NRG4: variants seen among roughly 807,000 people sequenced by gnomAD.
The protein encoded by NRG4 is neuregulin 4.
NRG4 carries 10 observed loss-of-function variants against 15.0 expected under a neutral mutation model. The ratio of observed to expected loss-of-function variants is 0.67; its 90% CI spans 0.41 to 1.13. The LOEUF (loss-of-function observed/expected upper bound fraction) is 1.13, where lower values mean the gene tolerates loss of function less well. Ranked by LOEUF, NRG4 falls within the 50% of genes most tolerant of loss-of-function variation. The probability of loss-of-function intolerance (pLI) is 0.00; values close to 1 mark genes in which losing one functional copy is unlikely to be tolerated. For missense variants in NRG4, 139 were observed against 140.2 expected (o/e 0.99, Z 0.04); for synonymous variants, 41 against 50.1 (o/e 0.82, Z 0.77).
At chr15:75,946,068 G>T (rs894021169) in intron 5 of NRG4, among the ~76,000 whole-genome samples, 1 of 152,212 alleles carries the variant, frequency 6.6e-6, no homozygotes, top group African/African-American at 2.4e-5. Flanking sequence ...CTCTGATAAT[G>T]AGATGGCTAC....
At chr15:75,999,419 T>C (rs1221390619) in intron 3 of NRG4, among the ~76,000 whole-genome samples, 1 of 152,176 alleles carries the variant, frequency 6.6e-6, no homozygotes, top group East Asian at 1.9e-4. Context: ...TAAAGGAAAC[T>C]AGCTTAGGCC....
At chr15:75,937,062 C>G (rs895752187), downstream of NRG4, 1 of 152,002 alleles carries the variant, frequency 6.6e-6, no homozygotes, top group Non-Finnish European at 1.5e-5. Context: ...CTAATTATGA[C>G]TAAAATTTAA....
upstream of NRG4, among the ~76,000 whole-genome samples, chr15:76,017,247 TG>T (rs1364976733): frequency 1.4e-5 from 2 of 147,258 alleles, no homozygotes; most frequent in Non-Finnish European, 3.0e-5. Context: ...GCATATAAGA[TG>T]GGTCTCCTAA....
chr15:76,002,749 T>C (rs982684187), intron 3 of NRG4, among the ~76,000 whole-genome samples: 2 of 152,062 alleles, frequency 1.3e-5, no homozygotes, highest in African/African-American at 2.4e-5. Flanking sequence ...CATTGTGTAA[T>C]GATAAAAGGG....
chr15:76,024,452 A>G (rs2035247336), intron 5 of NRG4, among the ~76,000 whole-genome samples: 1 of 152,212 alleles, frequency 6.6e-6, no homozygotes, highest in African/African-American at 2.4e-5. Context: ...CAGGCCTGAG[A>G]AACAGCCACC....
At chr15:76,012,147 C>G (rs2034832270) in intron 1 of NRG4, 172 bp downstream of exon 1, 1 of 152,014 alleles carries the variant, frequency 6.6e-6, no homozygotes, top group East Asian at 2.0e-4. Flanking sequence ...GCCAACAGCT[C>G]TTTCTTAGAC....
intron 3 of NRG4, among the ~76,000 whole-genome samples, chr15:75,981,522 T>C (rs911727905): frequency 2.0e-5 from 3 of 152,046 alleles, no homozygotes; most frequent in African/African-American, 2.4e-5. Flanking sequence ...ACTTAAAAAT[T>C]TGTGGCATTG....
intron 3 of NRG4, among the ~76,000 whole-genome samples, chr15:75,965,866 A>G (rs2032767953): frequency 1.3e-5 from 2 of 152,342 alleles, no homozygotes; most frequent in South Asian, 4.1e-4. Context: ...ATTTACCCAG[A>G]ACTACGTAGC....
rs185177289 is a variant in NRG4, at chr15:76,030,075, G to A, written c.-57+5869C>T. On this transcript the variant is annotated intron_variant, in intron 5 of 8. Coordinates refer to the NRG4 transcript ENST00000563910. Reference sequence around the variant, plus strand: ...AGATCAAGACCATCCTGGCTAACACGGTGAAACCCCGCTTCTACTAAAAAT... The same window carrying A: ...AGATCAAGACCATCCTGGCTAACACAGTGAAACCCCGCTTCTACTAAAAAT... Among the ~76,000 whole-genome samples the A allele has an allele frequency of 7.1e-4, 108 of 152,154 alleles. 1 individual carries two copies. The highest frequency in any genetic ancestry group is 2.1e-3 in the African/African-American group (88 of 41,512).
At chr15:75,949,485 C>T (rs564297729) in intron 5 of NRG4, among the ~76,000 whole-genome samples, 1 of 151,592 alleles carries the variant, frequency 6.6e-6, no homozygotes, top group East Asian at 1.9e-4. Context: ...CTAGACATGT[C>T]CTTTATCCAT....
At chr15:75,979,979 C>T (rs902354135) in intron 3 of NRG4, among the ~76,000 whole-genome samples, 1 of 152,108 alleles carries the variant, frequency 6.6e-6, no homozygotes, top group Admixed American at 6.5e-5. Flanking sequence ...ATTGGTAAGT[C>T]AACTAATTTA....
chr15:76,004,069 C>T (rs1022009923), intron 3 of NRG4, among the ~76,000 whole-genome samples: 1 of 152,028 alleles, frequency 6.6e-6, no homozygotes, highest in Non-Finnish European at 1.5e-5. Flanking sequence ...TGTATTGAGA[C>T]GAATTCTTAG....
chr15:76,014,458 A>G (rs1014841077), upstream of NRG4, among the ~76,000 whole-genome samples: 2 of 152,124 alleles, frequency 1.3e-5, no homozygotes, highest in African/African-American at 2.4e-5. Flanking sequence ...GTTTCTTTCT[A>G]GGGTTTTTAT....
At chr15:75,940,417 G>C (rs996303699), downstream of NRG4, 12 of 150,610 alleles carry the variant, frequency 8.0e-5, no homozygotes, top group Non-Finnish European at 1.8e-4. Flanking sequence ...TCAAAGTGAT[G>C]TGCAGATTCA....
At chr15:75,969,081 C>T in intron 3 of NRG4, 1 of 404,150 alleles carries the variant, frequency 2.5e-6, no homozygotes, top group Non-Finnish European at 5.0e-6. Flanking sequence ...ACCAGACACT[C>T]AATTAAACCA....
chr15:75,945,249 AT>A (rs1567067246), intron 5 of NRG4, among the ~76,000 whole-genome samples: 2 of 136,880 alleles, frequency 1.5e-5, no homozygotes, highest in Non-Finnish European at 3.1e-5. Context: ...TGATATATAT[AT>A]TTTTTATCAT....
intron 1 of NRG4, among the ~76,000 whole-genome samples, chr15:76,058,126 A>G (rs1246790298): frequency 6.6e-6 from 1 of 152,224 alleles, no homozygotes; most frequent in Non-Finnish European, 1.5e-5. Flanking sequence ...TGGGCAAGCT[A>G]TGCCAAAGCT....
rs560711533 is a variant in NRG4, at chr15:75,991,820, C to T, written c.104+17380G>A. On this transcript the variant is annotated intron_variant, in intron 3 of 5. Transcript: ENST00000394907. Reference sequence around the variant, plus strand: ...GACTCCCTCCCCTCCCTGTCTCACTCTCTCTTTCAATACACAATCTGTCTT... The same window carrying T: ...GACTCCCTCCCCTCCCTGTCTCACTTTCTCTTTCAATACACAATCTGTCTT... Among the ~76,000 whole-genome samples, 4 of 152,166 alleles carry T rather than the reference C, an allele frequency of 2.6e-5. No homozygotes were observed. The South Asian group carries it at 8.3e-4, about 32-fold the overall frequency.
chr15:75,963,554 C>A (rs1022519064), intron 3 of NRG4, among the ~76,000 whole-genome samples: 2 of 151,864 alleles, frequency 1.3e-5, no homozygotes, highest in African/African-American at 4.8e-5. Flanking sequence ...CCGAGGCGGG[C>A]AGATCACGAG....
Sources: gnomAD v4.1 joint callset for allele counts (sites outside exome capture counted in the v4.1 genomes callset) on GRCh38, gnomAD v4.1.1 for gene constraint, MANE v1.5 for transcripts, NCBI Gene and HGNC (gene_info 2026-07-23, HGNC 2026-07-21) for gene names.